Variants in LPP observed in about 807,000 individuals in gnomAD.
LPP encodes LIM domain containing preferred translocation partner in lipoma, also known as lipoma-preferred partner.
A neutral mutation model predicts 60.4 loss-of-function variants in LPP; 38 were observed. The observed-to-expected ratio is 0.63, with a 90% CI of 0.49 to 0.83. The LOEUF is 0.83. Ranked by LOEUF, LPP falls within the 40% of genes least tolerant of loss-of-function variation. The pLI is 0.00. For synonymous variants in LPP, 328 were observed against 290.8 expected, an observed-to-expected ratio of 1.13 and a Z score of -1.30; for missense variants, 902 against 783.6, an observed-to-expected ratio of 1.15 and a Z score of -1.80.
intron 9 of LPP, among the ~76,000 whole-genome samples, chr3:188,802,635 T>C (rs1425533628): frequency 6.6e-6 from 1 of 151,948 alleles, no homozygotes; most frequent in Non-Finnish European, 1.5e-5. Context: ...ATACAAAAAT[T>C]AGCTGGGTGT....
chr3:188,224,782 C>T (rs1178582510), intron 1 of LPP, among the ~76,000 whole-genome samples: 1 of 152,094 alleles, frequency 6.6e-6, no homozygotes, highest in South Asian at 2.1e-4. Context: ...CACTCGTGAT[C>T]GTGAGGACAG....
At chr3:188,647,352 G>C (rs925758845) in intron 7 of LPP, among the ~76,000 whole-genome samples, 1 of 152,064 alleles carries the variant, frequency 6.6e-6, no homozygotes, top group African/African-American at 2.4e-5. Flanking sequence ...GCTTAATTGG[G>C]AGATAGGGCT....
At chr3:188,279,256 C>T (rs1156308372) in intron 2 of LPP, among the ~76,000 whole-genome samples, 1 of 152,244 alleles carries the variant, frequency 6.6e-6, no homozygotes, top group Non-Finnish European at 1.5e-5. Flanking sequence ...CCTGACTCTG[C>T]TGCTGACCAG....
chr3:188,821,873 T>C (rs892820857), intron 9 of LPP, among the ~76,000 whole-genome samples: 4 of 152,122 alleles, frequency 2.6e-5, no homozygotes, highest in African/African-American at 9.7e-5. Flanking sequence ...GCAGACAACA[T>C]CCTTAAACAA....
chr3:188,807,119 G>T (rs574147347), intron 9 of LPP, among the ~76,000 whole-genome samples: 18,262 of 151,280 alleles, frequency 0.12, 1,561 homozygotes, highest in Non-Finnish European at 0.18. Context: ...GTAGAGAATT[G>T]GTTGGCCTTT....
chr3:188,332,696 A>G (rs1342789968), intron 2 of LPP, among the ~76,000 whole-genome samples: 1 of 152,212 alleles, frequency 6.6e-6, no homozygotes, highest in Non-Finnish European at 1.5e-5. Context: ...ATATAAAACT[A>G]GGCATTATGG....
In LPP at chr3:188,357,239, T is replaced by G. The variant is rs144894544; in HGVS notation, c.-10+15520T>G. Among the ~76,000 whole-genome samples the G allele has an allele frequency of 2.4e-3, 371 of 152,246 alleles. 3 individuals carry two copies. Among genetic ancestry groups the G allele is most frequent in the African/African-American group, 8.3e-3 (345 of 41,538 alleles). On this transcript the variant is annotated intron_variant, in intron 3 of 11. Coordinates refer to ENST00000617246, the MANE Select transcript of LPP (RefSeq NM_001375462.1). Reference sequence around the variant, plus strand: ...AAAAAAATCAAATTGAAGAAAATATTTTTCATGGACAGAAAACCTACCCTA... The same window carrying G: ...AAAAAAATCAAATTGAAGAAAATATGTTTCATGGACAGAAAACCTACCCTA...
At chr3:188,485,284 T>A (rs1341958397) in intron 5 of LPP, among the ~76,000 whole-genome samples, 1 of 152,122 alleles carries the variant, frequency 6.6e-6, no homozygotes, top group Non-Finnish European at 1.5e-5. Context: ...GGGGCTGGGA[T>A]CAGATGTGAC....
At chr3:188,541,961 G>C (rs1367733418) in intron 6 of LPP, among the ~76,000 whole-genome samples, 4 of 152,104 alleles carry the variant, frequency 2.6e-5, no homozygotes, top group African/African-American at 9.7e-5. Context: ...AGAACATGAT[G>C]TTTGATATAT....
intron 7 of LPP, among the ~76,000 whole-genome samples, chr3:188,670,363 AAG>A (rs1183429276): frequency 6.6e-6 from 1 of 152,190 alleles, no homozygotes; most frequent in Non-Finnish European, 1.5e-5. Flanking sequence ...AGATGGGAGA[AAG>A]AGTGAGGAAG....
At chr3:188,750,924 C>G (rs1031312918) in intron 8 of LPP, among the ~76,000 whole-genome samples, 26 of 152,270 alleles carry the variant, frequency 1.7e-4, no homozygotes, top group African/African-American at 6.0e-4. Flanking sequence ...GGTCTTAAGT[C>G]ACACATTGAA....
intron 2 of LPP, among the ~76,000 whole-genome samples, chr3:188,269,938 A>G (rs13066827): frequency 0.64 from 97,877 of 151,946 alleles, 31,871 homozygotes; most frequent in Middle Eastern, 0.74. Flanking sequence ...GGGAGCCACT[A>G]CACCTGGCCG....
At chr3:188,593,845 T>C (rs549021904) in intron 6 of LPP, among the ~76,000 whole-genome samples, 274 of 152,330 alleles carry the variant, frequency 1.8e-3, no homozygotes, top group African/African-American at 6.3e-3. Context: ...CACTCATTGA[T>C]TGATGGGCAT....
At chr3:188,683,040 G>A (rs537881102) in intron 7 of LPP, among the ~76,000 whole-genome samples, 1 of 152,222 alleles carries the variant, frequency 6.6e-6, no homozygotes, top group Admixed American at 6.5e-5. Context: ...ATGAGGGAAA[G>A]CTAGCATTAG....
rs535819666 is a variant in LPP, at chr3:188,369,722, C to T, written c.-10+28003C>T. ...TAGTGTACCAATGACCAGTGCTGGG[C>T]GCTGTGAATCAGCAGGACTGGCAGC... On this transcript the variant is annotated intron_variant, in intron 3 of 11. Coordinates refer to ENST00000617246, the MANE Select transcript of LPP (RefSeq NM_001375462.1). 9.1e-4 allele frequency among the ~76,000 whole-genome samples: 139 copies of T among 152,234 alleles called. 1 individual carries two copies. Among genetic ancestry groups the T allele is most frequent in the African/African-American group, 2.8e-3 (118 of 41,532 alleles).
At chr3:188,547,689 C>T (rs898175784) in intron 6 of LPP, among the ~76,000 whole-genome samples, 1 of 152,080 alleles carries the variant, frequency 6.6e-6, no homozygotes, top group Non-Finnish European at 1.5e-5. Flanking sequence ...TTAATTTTTA[C>T]AAAAATAAAA....
At position 188,609,125 on chromosome 3, in the gene LPP, G is replaced by GCTTT. The variant is rs770236876; in HGVS notation, c.430-23_430-20dup. The GCTTT allele has an allele frequency of 3.8e-5, 55 of 1,430,340 alleles. No homozygotes were observed. The highest frequency in any genetic ancestry group is 1.3e-4 in the Admixed American group (6 of 44,714). 88.6% of individuals were successfully genotyped at this position (1,430,340 alleles called of 1,614,324 possible). ...TTGAGTTTCGTTGGCAGTAATTTTT[G>GCTTT]CTTTCTTTCTTTCTTTTTTTTCCTA... On this transcript the variant is annotated intron_variant, in intron 6 of 11. Coordinates refer to ENST00000617246, the MANE Select transcript of LPP (RefSeq NM_001375462.1). This position sits in a 1 kb window ranked among gnomAD's most constrained non-coding sequence, Gnocchi z 6.9.
At chr3:188,432,801 T>C (rs1791247442) in intron 4 of LPP, among the ~76,000 whole-genome samples, 1 of 152,192 alleles carries the variant, frequency 6.6e-6, no homozygotes, top group South Asian at 2.1e-4. Context: ...AAGGAGCTTG[T>C]AACCTTTTCT....
chr3:188,641,138 G>A (rs748077623), intron 7 of LPP, among the ~76,000 whole-genome samples: 5 of 152,050 alleles, frequency 3.3e-5, no homozygotes, highest in South Asian at 2.2e-4. Context: ...AGGAAACTGC[G>A]TTATGCATTT....
Sources: allele counts gnomAD v4.1 joint callset (sites outside exome capture counted in the v4.1 genomes callset), GRCh38; gene constraint gnomAD v4.1.1; non-coding constraint Gnocchi (gnomAD v3.1); transcripts MANE v1.5; gene names NCBI Gene and HGNC (gene_info 2026-07-23, HGNC 2026-07-21).